The following LY75 variants were observed in gnomAD, a reference collection of about 807,000 sequenced individuals.
LY75 encodes C-type lectin domain family 13 member B.
Under a neutral mutation model 231.7 loss-of-function variants are expected in LY75, and 185 were observed. The observed-to-expected ratio is 0.80, with a 90% CI of 0.71 to 0.90. The LOEUF is 0.90. LY75 is among the 40% of genes least tolerant of loss of function. The pLI, the probability that LY75 is intolerant of heterozygous loss-of-function variation, is 0.00. For missense variants in LY75, 1,947 were observed against 2,050.2 expected, an observed-to-expected ratio of 0.95 and a Z score of 0.97; for synonymous variants, 668 against 689.0, an observed-to-expected ratio of 0.97 and a Z score of 0.48.
chr2:159,873,789 C>A (rs28396119), intron 12 of LY75, among the ~76,000 whole-genome samples: 2 of 87,690 alleles, frequency 2.3e-5, no homozygotes, highest in Non-Finnish European at 5.4e-5. Flanking sequence ...TAAAAATATA[C>A]ATAAATATAT....
At chr2:159,856,025 T>C (rs1684541049) in intron 16 of LY75, among the ~76,000 whole-genome samples, 1 of 152,212 alleles carries the variant, frequency 6.6e-6, no homozygotes, top group Non-Finnish European at 1.5e-5. Flanking sequence ...CAGTTCAAAA[T>C]GTACATAGTT....
chr2:159,855,030 T>C, intron 16 of LY75, 91 bp from the exon 17 acceptor site: 1 of 1,535,210 alleles, frequency 6.5e-7, no homozygotes, highest in Non-Finnish European at 8.9e-7. Flanking sequence ...CGAAAGGACT[T>C]GCAGTATTGT....
intron 2 of LY75, among the ~76,000 whole-genome samples, chr2:159,898,375 T>A (rs895917686): frequency 6.6e-6 from 1 of 152,234 alleles, no homozygotes; most frequent in Non-Finnish European, 1.5e-5. Flanking sequence ...CTCTAGGGTT[T>A]CCTTTCCTCT....
rs530609153 is a variant in LY75, at chr2:159,842,861, T to G, written c.3151-487A>C. Among the ~76,000 whole-genome samples the G allele has an allele frequency of 2.0e-4, 31 of 152,158 alleles. 1 individual carries two copies. The highest frequency in any genetic ancestry group is 3.7e-4 in the Non-Finnish European group (25 of 67,950). On this transcript the variant is annotated intron_variant, in intron 23 of 34. Coordinates refer to ENST00000263636, the MANE Select transcript of LY75 (RefSeq NM_002349.4). ...AATCAATAATATTAGATATGAAAAT[T>G]TATTCCAAGTATATTATCCCTATCA...
chr2:159,875,334 T>G, intron 12 of LY75, 110 bp downstream of exon 12: 5 of 1,409,388 alleles, frequency 3.5e-6, no homozygotes, highest in Non-Finnish European at 4.7e-6. Context: ...CCAGAGCACT[T>G]TAGTTAGGTT....
chr2:159,853,808 C>A, intron 18 of LY75, 111 bp from the exon 19 acceptor site: 2 of 1,426,872 alleles, frequency 1.4e-6, no homozygotes, highest in South Asian at 2.5e-5. Context: ...TCCAGACATT[C>A]CTTACTTAGA....
At chr2:159,850,541 T>A in intron 21 of LY75, 74 bp from the exon 22 acceptor site, 4 of 1,582,688 alleles carry the variant, frequency 2.5e-6, no homozygotes, top group Non-Finnish European at 3.4e-6. Flanking sequence ...AAATGCTTCA[T>A]CTTTTAGAGG....
At chr2:159,872,073 T>C (rs528866892) in intron 13 of LY75, 1 of 161,962 alleles carries the variant, frequency 6.2e-6, no homozygotes, top group East Asian at 1.8e-4. Flanking sequence ...CTATCTTGCC[T>C]TTTGAAATAA....
intron 2 of LY75, among the ~76,000 whole-genome samples, chr2:159,895,222 G>A (rs1440760286): frequency 6.6e-6 from 1 of 152,184 alleles, no homozygotes; most frequent in East Asian, 1.9e-4. Context: ...TAATAATCTG[G>A]ATGCTTTTCT....
chr2:159,807,888 CAATT>C, intron 33 of LY75: 1 of 985,282 alleles, frequency 1.0e-6, no homozygotes, highest in South Asian at 4.7e-5. Flanking sequence ...TTCTTTGAAT[CAATT>C]ATCTGCAATT....
intron 6 of LY75, among the ~76,000 whole-genome samples, chr2:159,882,834 A>G (rs889747403): frequency 6.6e-6 from 1 of 152,072 alleles, no homozygotes; most frequent in Non-Finnish European, 1.5e-5. Flanking sequence ...ACATTTATAC[A>G]CTTCGCATCC....
chr2:159,833,962 T>C (rs1002747246), intron 27 of LY75, 82 bp downstream of exon 27: 26 of 1,478,546 alleles, frequency 1.8e-5, no homozygotes, highest in Admixed American at 6.6e-5. Flanking sequence ...TGTGAGGCCA[T>C]TAAACCTCTT....
At chr2:159,876,567 G>A (rs906886862) in intron 11 of LY75, among the ~76,000 whole-genome samples, 13 of 152,086 alleles carry the variant, frequency 8.5e-5, no homozygotes, top group African/African-American at 3.1e-4. Context: ...GTTGGCTGAG[G>A]ATGGGTGCAA....
intron 11 of LY75, among the ~76,000 whole-genome samples, chr2:159,877,956 T>G (rs1481018489): frequency 6.6e-6 from 1 of 152,132 alleles, no homozygotes; most frequent in Non-Finnish European, 1.5e-5. Context: ...AGAAAACACA[T>G]TCAGTTTTGA....
chr2:159,820,325 T>TA (rs1185531614), intron 28 of LY75, among the ~76,000 whole-genome samples: 1 of 152,124 alleles, frequency 6.6e-6, no homozygotes, highest in Non-Finnish European at 1.5e-5. Flanking sequence ...GGTAATGTGG[T>TA]ATATATGTAC....
At chr2:159,811,176 C>T (rs906503883) in intron 31 of LY75, among the ~76,000 whole-genome samples, 7 of 151,614 alleles carry the variant, frequency 4.6e-5, no homozygotes, top group African/African-American at 1.5e-4. Context: ...GCGCCTAGCC[C>T]GTTGGATTCC....
intron 28 of LY75, among the ~76,000 whole-genome samples, chr2:159,826,007 T>C (rs1683456590): frequency 1.3e-5 from 2 of 152,266 alleles, no homozygotes; most frequent in South Asian, 4.1e-4. Context: ...TCATACTGAA[T>C]GGGCAAAAAC....
At chr2:159,827,756 A>C (rs565186124) in intron 28 of LY75, among the ~76,000 whole-genome samples, 1 of 152,344 alleles carries the variant, frequency 6.6e-6, no homozygotes, top group Admixed American at 6.5e-5. Flanking sequence ...GCACATAGAT[A>C]CCATAGAATA....
intron 23 of LY75, among the ~76,000 whole-genome samples, chr2:159,848,089 T>TACACACACACACACACACACACACAC: frequency 2.2e-5 from 1 of 45,116 alleles, no homozygotes; most frequent in East Asian, 1.8e-3. Context: ...TATATATATA[T>TACACACACACACACACACACACACAC]ATATACACAC....
Sources: allele counts gnomAD v4.1 joint callset (sites outside exome capture counted in the v4.1 genomes callset), GRCh38; gene constraint gnomAD v4.1.1; transcripts MANE v1.5; gene names NCBI Gene and HGNC (gene_info 2026-07-23, HGNC 2026-07-21).